LRRIQ4: variants seen among roughly 807,000 people sequenced by gnomAD.
LRRIQ4 encodes leucine rich repeats and IQ motif containing 4.
Under a neutral mutation model 40.1 loss-of-function variants are expected in LRRIQ4, and 21 were observed. That is an observed-to-expected ratio of 0.52 (90% CI 0.37 to 0.75). The LOEUF (loss-of-function observed/expected upper bound fraction) is 0.75. LRRIQ4 is among the 30% of genes least tolerant of loss of function. The pLI is 0.00. For missense variants in LRRIQ4, 655 were observed against 660.0 expected (o/e 0.99, Z 0.08); for synonymous variants, 277 against 277.1 (o/e 1.00, Z 0.00).
intron 2 of LRRIQ4, among the ~76,000 whole-genome samples, chr3:169,825,270 T>C (rs1206260034): frequency 6.6e-6 from 1 of 152,224 alleles, no homozygotes; most frequent in Non-Finnish European, 1.5e-5. Context: ...CCTCCCAAAG[T>C]GCTGGGATTA....
Position 169,832,979 on chromosome 3 carries a change from C to T in LRRIQ4, c.1334-8C>T, listed in dbSNP as rs751611532. The T allele has an allele frequency of 1.0e-5, 16 of 1,607,180 alleles. No homozygotes were observed. The highest frequency in any genetic ancestry group is 2.7e-5 in the African/African-American group (2 of 74,462). ...GATTGAACCACCATTACGAAAAAAT[C>T]TTTTCAGCTTTGAAAGAATTACGGC... On this transcript the variant is annotated splice_polypyrimidine_tract_variant and splice_region_variant and intron_variant, in intron 4 of 5. Coordinates refer to ENST00000340806, the MANE Select transcript of LRRIQ4 (RefSeq NM_001080460.3).
intron 1 of LRRIQ4, among the ~76,000 whole-genome samples, chr3:169,818,324 A>T (rs1471306433): frequency 1.3e-5 from 2 of 152,206 alleles, no homozygotes; most frequent in African/African-American, 2.4e-5. Flanking sequence ...TGTTAAAACC[A>T]GGGACTGTGA....
chr3:169,820,509 A>G (rs1779861307), intron 1 of LRRIQ4, among the ~76,000 whole-genome samples: 1 of 151,160 alleles, frequency 6.6e-6, no homozygotes, highest in South Asian at 2.1e-4. Context: ...TAAAAACTAT[A>G]GATCCAATTA....
At chr3:169,832,827 A>G (rs146624502) in intron 4 of LRRIQ4, among the ~76,000 whole-genome samples, 160 bp from the exon 5 acceptor site, 12 of 152,256 alleles carry the variant, frequency 7.9e-5, no homozygotes, top group Admixed American at 7.2e-4. Flanking sequence ...TAGAACTTTT[A>G]TTAGATGGTA....
Position 169,822,398 on chromosome 3 carries a change from G to A in LRRIQ4, c.477G>A (p.Lys159=), listed in dbSNP as rs1779921172. The A allele has an allele frequency of 6.2e-7, 1 of 1,612,802 alleles. No homozygotes were observed. The highest frequency in any genetic ancestry group is 8.5e-7 in the Non-Finnish European group (1 of 1,179,372). The change falls in exon 2 of 6, where the codon AAG becomes AAA. Residue 159 remains lysine (K), a synonymous_variant. Coordinates refer to ENST00000340806, the MANE Select transcript of LRRIQ4 (RefSeq NM_001080460.3). ...LTGNHLKCLP[K]EIVNQTKLRE... ...GAAACCACCTGAAATGTCTGCCCAA[G>A]GAAATAGTGAACCAGACCAAGCTGA...
intron 1 of LRRIQ4, among the ~76,000 whole-genome samples, chr3:169,818,190 C>T (rs1035987590): frequency 1.3e-5 from 2 of 152,192 alleles, no homozygotes; most frequent in African/African-American, 4.8e-5. Context: ...TTTCCTCTCC[C>T]TCCCCGAAGC....
intron 5 of LRRIQ4, among the ~76,000 whole-genome samples, chr3:169,837,005 G>A (rs549673536): frequency 3.3e-5 from 5 of 152,106 alleles, no homozygotes; most frequent in Non-Finnish European, 7.4e-5. Flanking sequence ...GGTGTTGCTG[G>A]GTAGGTAGGA....
chr3:169,815,627 T>C (rs1176237217), intron 1 of LRRIQ4, among the ~76,000 whole-genome samples: 1 of 152,230 alleles, frequency 6.6e-6, no homozygotes, highest in African/African-American at 2.4e-5. Context: ...GGATGCTCTT[T>C]ATATCTTTCT....
chr3:169,816,674 C>CT (rs34890404), intron 1 of LRRIQ4, among the ~76,000 whole-genome samples: 1,817 of 136,026 alleles, frequency 0.013, 20 homozygotes, highest in South Asian at 0.02. Flanking sequence ...TTTTCTTCTA[C>CT]TTTTTTTTTT....
intron 1 of LRRIQ4, among the ~76,000 whole-genome samples, chr3:169,813,893 G>C (rs1437604898): frequency 6.6e-6 from 1 of 152,152 alleles, no homozygotes; most frequent in African/African-American, 2.4e-5. Flanking sequence ...AAACCTCTAG[G>C]GGGAGCATGC....
intron 1 of LRRIQ4, among the ~76,000 whole-genome samples, chr3:169,814,179 T>C (rs752680265): frequency 6.6e-6 from 1 of 151,970 alleles, no homozygotes; most frequent in Non-Finnish European, 1.5e-5. Context: ...GTTTTATTGA[T>C]TGGTGGAAGT....
intron 1 of LRRIQ4, among the ~76,000 whole-genome samples, chr3:169,816,035 T>C (rs557972147): frequency 2.6e-5 from 4 of 152,214 alleles, no homozygotes; most frequent in Non-Finnish European, 4.4e-5. Context: ...TTGAATTCAG[T>C]TTGCTAGCAT....
intron 1 of LRRIQ4, among the ~76,000 whole-genome samples, chr3:169,818,173 C>T (rs1779804086): frequency 6.6e-6 from 1 of 152,226 alleles, no homozygotes. Flanking sequence ...CAAAGCCCCA[C>T]AGTCACTTTC....
chr3:169,830,268 A>C (rs1274983095), intron 3 of LRRIQ4, among the ~76,000 whole-genome samples: 3 of 151,450 alleles, frequency 2.0e-5, no homozygotes, highest in African/African-American at 7.3e-5. Context: ...CCCTGCATAA[A>C]TGGAAACTAA....
Position 169,837,608 on chromosome 3 carries a change from C to T in LRRIQ4, c.1660C>T (p.Pro554Ser), listed in dbSNP as rs78013694. The T allele has an allele frequency of 0.013, 19,975 of 1,582,018 alleles. 200 individuals carry two copies. The highest frequency in any genetic ancestry group is 0.015 in the Admixed American group (822 of 54,108). ...AGGAAAGAAGGATGTAAAAGGAAAA[C>T]CAGGAAAGGGAAAAAAGAAATAATC... ...KKGKKDVKGK[P>S]GKGKKK The change falls in exon 6 of 6, where the codon CCA becomes TCA. Residue 554 changes from proline (P) to serine (S), a missense_variant. Coordinates refer to ENST00000340806, the MANE Select transcript of LRRIQ4 (RefSeq NM_001080460.3).
chr3:169,833,239 A>C, intron 5 of LRRIQ4, 56 bp downstream of exon 5: 1 of 1,433,026 alleles, frequency 7.0e-7, no homozygotes, highest in Non-Finnish European at 9.6e-7. Context: ...CTAATGGTAA[A>C]CACAGTACAG....
At chr3:169,823,805 C>T (rs1484606165) in intron 2 of LRRIQ4, among the ~76,000 whole-genome samples, 1 of 152,080 alleles carries the variant, frequency 6.6e-6, no homozygotes, top group Non-Finnish European at 1.5e-5. Context: ...TGCAGGGTGG[C>T]ATATTCAAAA....
intron 5 of LRRIQ4, among the ~76,000 whole-genome samples, chr3:169,834,476 C>G (rs1470074213): frequency 6.6e-6 from 1 of 152,194 alleles, no homozygotes; most frequent in East Asian, 1.9e-4. Context: ...TGTGCACCCT[C>G]TTGCACGTTC....
intron 3 of LRRIQ4, among the ~76,000 whole-genome samples, chr3:169,829,413 A>G (rs1247674997): frequency 6.6e-6 from 1 of 152,008 alleles, no homozygotes; most frequent in Admixed American, 6.6e-5. Context: ...TGTGAGGAAT[A>G]CTTGCAAAGC....
Sources: gnomAD v4.1 joint callset for allele counts (sites outside exome capture counted in the v4.1 genomes callset) on GRCh38, gnomAD v4.1.1 for gene constraint, MANE v1.5 for transcripts, NCBI Gene and HGNC (gene_info 2026-07-23, HGNC 2026-07-21) for gene names.